Variants in MDM2 observed in about 807,000 individuals in gnomAD.
The protein encoded by MDM2 is E3 ubiquitin-protein ligase Mdm2.
MDM2 carries 11 observed loss-of-function variants against 64.3 expected under a neutral mutation model. That is an observed-to-expected ratio of 0.17 (90% CI 0.11 to 0.28). The LOEUF (loss-of-function observed/expected upper bound fraction) is 0.28. Among genes scored for constraint, MDM2 ranks in the 10% least tolerant of loss-of-function variants. MDM2 has a pLI of 1.00. For synonymous variants in MDM2, 194 were observed against 192.9 expected, an observed-to-expected ratio of 1.01 and a Z score of -0.05; for missense variants, 388 against 577.1, an observed-to-expected ratio of 0.67 and a Z score of 3.36.
chr12:68,814,701 C>G (rs1881199120), intron 3 of MDM2: 1 of 249,740 alleles, frequency 4.0e-6, no homozygotes, highest in Admixed American at 5.2e-5. Context: ...TGAGCTGATT[C>G]ATGACCATAT....
chr12:68,837,876 T>C (rs1387784307), intron 10 of MDM2, among the ~76,000 whole-genome samples: 5 of 152,164 alleles, frequency 3.3e-5, no homozygotes, highest in African/African-American at 1.2e-4. Context: ...TTATAGACAG[T>C]TACTAATTAT....
At chr12:68,816,986 C>T (rs759141994) in intron 4 of MDM2, 41 bp downstream of exon 4, 18 of 1,600,340 alleles carry the variant, frequency 1.1e-5, no homozygotes, top group Non-Finnish European at 1.5e-5. Flanking sequence ...GCCATCTGGG[C>T]TAACATTTCA....
At chr12:68,847,452 C>CTTTCTTT (rs1555190285), downstream of MDM2, 6 of 88,694 alleles carry the variant, frequency 6.8e-5, no homozygotes, top group African/African-American at 2.3e-4. Context: ...TATCTCCTTT[C>CTTTCTTT]TTTTTTTTTT....
intron 7 of MDM2, chr12:68,828,510 G>T: frequency 3.0e-6 from 1 of 335,140 alleles, no homozygotes; most frequent in Non-Finnish European, 5.7e-6. Context: ...TGAGGCAGAG[G>T]TTGCAGTGAG....
intron 10 of MDM2, among the ~76,000 whole-genome samples, chr12:68,837,792 A>G (rs1427259150): frequency 1.3e-5 from 2 of 152,114 alleles, no homozygotes; most frequent in East Asian, 3.8e-4. Context: ...TTTTAAAACT[A>G]TTGTGCTTTA....
intron 4 of MDM2, 95 bp downstream of exon 4, chr12:68,817,040 G>A: frequency 7.0e-7 from 1 of 1,437,184 alleles, no homozygotes; most frequent in East Asian, 2.5e-5. Flanking sequence ...AAAAACTGTT[G>A]AAACATATTA....
intron 8 of MDM2, among the ~76,000 whole-genome samples, chr12:68,833,451 A>G (rs1233800236): frequency 1.4e-5 from 2 of 143,512 alleles, no homozygotes; most frequent in Non-Finnish European, 3.0e-5. Flanking sequence ...AAAAATATAT[A>G]TAGAGAGAGA....
At chr12:68,812,344 T>C (rs920509887) in intron 2 of MDM2, among the ~76,000 whole-genome samples, 1 of 152,090 alleles carries the variant, frequency 6.6e-6, no homozygotes. Flanking sequence ...CCAATGGGGG[T>C]GCTGTCAGAT....
At chr12:68,809,633 G>T (rs1016531347) in intron 2 of MDM2, among the ~76,000 whole-genome samples, 2 of 151,892 alleles carry the variant, frequency 1.3e-5, no homozygotes, top group African/African-American at 4.8e-5. Flanking sequence ...AGTTATTCGT[G>T]CTTGTTTTAA....
At chr12:68,810,134 A>T (rs1179213159) in intron 2 of MDM2, among the ~76,000 whole-genome samples, 1 of 152,126 alleles carries the variant, frequency 6.6e-6, no homozygotes, top group Non-Finnish European at 1.5e-5. Flanking sequence ...CAACATGGTG[A>T]AAACCTGTCT....
At chr12:68,823,907 G>T (rs1882081271) in intron 5 of MDM2, among the ~76,000 whole-genome samples, 1 of 152,174 alleles carries the variant, frequency 6.6e-6, no homozygotes, top group Non-Finnish European at 1.5e-5. Context: ...GTCTGAACCT[G>T]CCTACATTCC....
At chr12:68,827,744 G>A (rs1882458919) in intron 7 of MDM2, among the ~76,000 whole-genome samples, 2 of 152,032 alleles carry the variant, frequency 1.3e-5, no homozygotes, top group Admixed American at 6.6e-5. Context: ...TATGTCTAAC[G>A]GATTTGTCTA....
chr12:68,839,545 G>A lies in MDM2; in HGVS notation c.1190G>A (p.Ser397Asn), dbSNP rs377036953. ...ACACAAGCTTCACAATCACAAGAAAGTGAAGACTATTCTCAGCCATCAACT... is the reference window on the plus strand; with the variant it reads ...ACACAAGCTTCACAATCACAAGAAAATGAAGACTATTCTCAGCCATCAACT... ...KITQASQSQE[S>N]EDYSQPSTSS... The change falls in exon 11 of 11, where the codon AGT (serine) becomes AAT (asparagine). Residue 397 changes from serine (S) to asparagine (N), a missense_variant. Ser to Asn is a conservative substitution (Grantham distance 46). Coordinates refer to ENST00000258149, the MANE Select transcript of MDM2 (RefSeq NM_002392.6). 39 of 1,613,848 alleles carry A rather than the reference G, an allele frequency of 2.4e-5. 1 individual carries two copies. In the South Asian group the frequency reaches 3.2e-4, roughly 13 times the overall value.
intron 5 of MDM2, among the ~76,000 whole-genome samples, chr12:68,821,222 A>G (rs996370223): frequency 3.3e-5 from 5 of 151,510 alleles, no homozygotes; most frequent in Admixed American, 2.6e-4. Flanking sequence ...TAATTTTTGT[A>G]TTTTTAGTAG....
chr12:68,823,190 A>G (rs576267193), intron 5 of MDM2, among the ~76,000 whole-genome samples: 83 of 152,352 alleles, frequency 5.4e-4, no homozygotes, highest in Admixed American at 1.0e-3. Context: ...ATCTATGATA[A>G]TGCATAATTT....
rs1883481374 is a variant in MDM2, at chr12:68,838,436, A to G, written c.919-838A>G. The stretch of plus-strand genomic sequence containing the variant: ...CAAAGATGAGAACACAGGAAAGGAT[A>G]GACAGGTAAAGGAAAGGATATTACG... On this transcript the variant is annotated intron_variant, in intron 10 of 10. Coordinates refer to ENST00000258149, the MANE Select transcript of MDM2 (RefSeq NM_002392.6). Among the ~76,000 whole-genome samples the G allele has an allele frequency of 2.0e-5, 3 of 152,370 alleles. No individual in the cohort carries two copies. In the South Asian group the frequency reaches 6.2e-4, roughly 32 times the overall value.
intron 7 of MDM2, among the ~76,000 whole-genome samples, chr12:68,826,196 G>A (rs1312396818): frequency 1.3e-5 from 2 of 151,954 alleles, no homozygotes; most frequent in Non-Finnish European, 2.9e-5. Flanking sequence ...AGTAAAAAAT[G>A]CCAAAAGGGT....
chr12:68,819,582 C>T (rs906941990), intron 4 of MDM2, among the ~76,000 whole-genome samples: 1 of 152,204 alleles, frequency 6.6e-6, no homozygotes, highest in African/African-American at 2.4e-5. Context: ...ACCTCTGCCT[C>T]CCGGGTTTAA....
intron 5 of MDM2, among the ~76,000 whole-genome samples, chr12:68,823,725 T>G (rs555651039): frequency 6.6e-6 from 1 of 152,344 alleles, no homozygotes; most frequent in South Asian, 2.1e-4. Flanking sequence ...CTGGATGTAA[T>G]ATTTTCTGTG....
Sources: gnomAD v4.1 joint callset for allele counts (sites outside exome capture counted in the v4.1 genomes callset) on GRCh38, gnomAD v4.1.1 for gene constraint, MANE v1.5 for transcripts, NCBI Gene and HGNC (gene_info 2026-07-23, HGNC 2026-07-21) for gene names.